The following OR8D1 variants were observed in gnomAD, a reference collection of about 807,000 sequenced individuals.
OR8D1 encodes the protein olfactory receptor 8D1.
For missense variants in OR8D1, 384 were observed against 366.8 expected, an observed-to-expected ratio of 1.05 and a Z score of -0.38; for synonymous variants, 143 against 147.0, an observed-to-expected ratio of 0.97 and a Z score of 0.20.
In OR8D1 at chr11:124,310,587, G is replaced by T. The variant is rs753911133; in HGVS notation, c.180C>A (p.Tyr60Ter). ...CGAAGGACAAGCTGCTGAGGAAATAGTACATGGGGGTGTGAAGTAGAGGGC... is the reference window on the plus strand; with the variant it reads ...CGAAGGACAAGCTGCTGAGGAAATATTACATGGGGGTGTGAAGTAGAGGGC... Reference protein sequence around the residue: ...AVSPLLHTPMYYFLSSLSFVD... With the variant: ...AVSPLLHTPM Residue 60 changes from tyrosine (Y) to a stop codon, truncating the protein, a stop_gained, in exon 3 of 3, where the codon TAC becomes TAA. Coordinates refer to ENST00000641015, the MANE Select transcript of OR8D1 (RefSeq NM_001002917.2). LOFTEE classifies it low-confidence loss of function (END_TRUNC). 3.7e-6 allele frequency: 6 copies of T among 1,613,940 alleles called. No individual in the cohort carries two copies. In the African/African-American group the frequency reaches 8.0e-5, roughly 22 times the overall value.
In OR8D1 at chr11:124,310,083, G is replaced by A. The variant is rs1862405626; in HGVS notation, c.684C>T (p.Ile228=). The A allele has an allele frequency of 6.2e-7, 1 of 1,613,636 alleles. No individual in the cohort carries two copies. The highest frequency in any genetic ancestry group is 8.5e-7 in the Non-Finnish European group (1 of 1,179,812). Residue 228 remains isoleucine (I), a synonymous_variant, in exon 3 of 3, where the codon ATC becomes ATT. Coordinates refer to ENST00000641015, the MANE Select transcript of OR8D1 (RefSeq NM_001002917.2). ...CTTTGGACCGGCCCTCTGAGGAGCG[G>A]ATGTGAAGGATGCTGTAGAGGATGA... ...YAFILYSILH[I]RSSEGRSKAF...
rs1368019234 is a variant in OR8D1, at chr11:124,308,906, A to G, written c.*934T>C. ...CAACATACAAAAGCTAAAAACAAAA[A>G]CAGAAGGAAATGTTACATGAGACCT... is the stretch of plus-strand genomic sequence containing the variant. On this transcript the variant is annotated 3_prime_UTR_variant, in exon 3 of 3. Transcript: ENST00000641015. The G allele has an allele frequency of 6.6e-6, 1 of 152,118 alleles. No individual in the cohort carries two copies. Among genetic ancestry groups the G allele is most frequent in the Non-Finnish European group, 1.5e-5 (1 of 68,024 alleles). The allele number at this position is 152,118 out of a possible 1,614,324, so 9.4% of individuals were successfully genotyped here. A position where few individuals can be genotyped will look rare whatever the true frequency, so the allele number is the denominator to read the frequency against.
At position 124,310,724 on chromosome 11, in the gene OR8D1, C is replaced by CT. The variant is rs776029177; in HGVS notation, c.42dup (p.Asp15ArgfsTer82). 4 of 1,613,162 alleles carry CT rather than the reference C, an allele frequency of 2.5e-6. No individual in the cohort carries two copies. In the South Asian group the frequency reaches 4.4e-5, roughly 18 times the overall value. ...AGCTCTGCTTGCTGTGTTAAACCAT[C>CT]TAAGACAAACTGAGCTGCCATAGAA... On this transcript the variant is annotated frameshift_variant, in exon 3 of 3. Transcript: ENST00000641015. LOFTEE classifies it low-confidence loss of function (END_TRUNC).
In OR8D1 at chr11:124,303,230, A is replaced by T. The variant is rs192226073; in HGVS notation, c.*6610T>A. Reference sequence around the variant, plus strand: ...GAGCAGGAAAAACTACCATTTATAAAACCATCAGATCTTGTGAGAATTCAC... The same window carrying T: ...GAGCAGGAAAAACTACCATTTATAATACCATCAGATCTTGTGAGAATTCAC... On this transcript the variant is annotated 3_prime_UTR_variant, in exon 3 of 3. Transcript: ENST00000641015. 6.6e-6 allele frequency: 1 copy of T among 152,006 alleles called. No individual in the cohort carries two copies. The highest frequency in any genetic ancestry group is 6.6e-5 in the Admixed American group (1 of 15,228). The allele number at this position is 152,006 out of a possible 1,614,324, so 9.4% of individuals were successfully genotyped here. A position where few individuals can be genotyped will look rare whatever the true frequency, so the allele number is the denominator to read the frequency against.
rs966757759 is a variant in OR8D1, at chr11:124,309,950, C to A, written c.817G>T (p.Val273Leu). 1 of 1,557,596 alleles carries A rather than the reference C, an allele frequency of 6.4e-7. No homozygotes were observed. Among genetic ancestry groups the A allele is most frequent in the East Asian group, 2.2e-5 (1 of 44,492 alleles). The change falls in exon 3 of 3, where the codon GTG becomes TTG. Residue 273 changes from valine to leucine, a missense_variant. Transcript: ENST00000641015. ...ACCGTGGTGTAGAACACAGAGGACA[C>A]CTTCTCCTGGTCCAGGGAGTTACTT... ...PSSNSLDQEK[V>L]SSVFYTTVIP...
At position 124,309,908 on chromosome 11, in the gene OR8D1, G is replaced by T. The variant is rs535945267; in HGVS notation, c.859C>A (p.Pro287Thr). 2 of 1,516,890 alleles carry T rather than the reference G, an allele frequency of 1.3e-6. No homozygotes were observed. Among genetic ancestry groups the T allele is most frequent in the African/African-American group, 2.8e-5 (2 of 71,654 alleles). The allele number at this position is 1,516,890 out of a possible 1,614,324, so 94.0% of individuals were successfully genotyped here. A position where few individuals can be genotyped will look rare whatever the true frequency, so the allele number is the denominator to read the frequency against. Residue 287 changes from proline to threonine, a missense_variant, in exon 3 of 3, where the codon CCT becomes ACT. Transcript: ENST00000641015. ...TTATTCCTCAGACTGTATATTAAAG[G>T]GTTCAGCATGGGGATCACCGTGGTG... The part of the protein sequence containing the change: ...FYTTVIPMLN[P>T]LIYSLRNKDV...
At position 124,310,585 on chromosome 11, in the gene OR8D1, T is replaced by C; in HGVS notation, c.182A>G (p.Tyr61Cys). 6.2e-7 allele frequency: 1 copy of C among 1,613,638 alleles called. No individual in the cohort carries two copies. The change falls in exon 3 of 3, where the codon TAT becomes TGT. Residue 61 changes from tyrosine to cysteine, a missense_variant. Physicochemically the swap from Tyr to Cys is radical, Grantham distance 194. Transcript: ENST00000641015. ...VSPLLHTPMY[Y>C]FLSSLSFVDF... ...GACGAAGGACAAGCTGCTGAGGAAA[T>C]AGTACATGGGGGTGTGAAGTAGAGG...
intron 1 of OR8D1, among the ~76,000 whole-genome samples, chr11:124,313,310 GAAAA>G (rs970127629): frequency 3.0e-5 from 4 of 133,230 alleles, no homozygotes; most frequent in South Asian, 2.2e-4. Flanking sequence ...AGGAAAGAAA[GAAAA>G]GAAAGAGAAA....
rs1862379288 is a variant in OR8D1, at chr11:124,307,639, G to A, written c.*2201C>T. The A allele has an allele frequency of 6.6e-6, 1 of 152,066 alleles. No individual in the cohort carries two copies. The highest frequency in any genetic ancestry group is 2.4e-5 in the African/African-American group (1 of 41,430). The allele number at this position is 152,066 out of a possible 1,614,324, so 9.4% of individuals were successfully genotyped here. A position where few individuals can be genotyped will look rare whatever the true frequency, so the allele number is the denominator to read the frequency against. ...TTAAGAATCAGAAAATATTGGTGCAGCTTAAAATTGAACACAAAGGGGAAG... is the reference window on the plus strand; with the variant it reads ...TTAAGAATCAGAAAATATTGGTGCAACTTAAAATTGAACACAAAGGGGAAG... On this transcript the variant is annotated 3_prime_UTR_variant, in exon 3 of 3. Coordinates refer to ENST00000641015, the MANE Select transcript of OR8D1 (RefSeq NM_001002917.2).
At chr11:124,313,697 T>C (rs1025180343) in intron 1 of OR8D1, 24 bp downstream of exon 1, 10 of 152,162 alleles carry the variant, frequency 6.6e-5, no homozygotes, top group African/African-American at 1.9e-4. Flanking sequence ...AATATGATGG[T>C]CATAAAGGAG....
rs1862341168 is a variant in OR8D1, at chr11:124,303,398, A to G, written c.*6442T>C. On this transcript the variant is annotated 3_prime_UTR_variant, in exon 3 of 3. Coordinates refer to ENST00000641015, the MANE Select transcript of OR8D1 (RefSeq NM_001002917.2). ...ACCATATGAGTCCTTGACATGTAGT[A>G]TAGTAAACGGTCGTATTTGGCTGAT... 6.6e-6 allele frequency: 1 copy of G among 152,060 alleles called. No individual in the cohort carries two copies. Among genetic ancestry groups the G allele is most frequent in the Non-Finnish European group, 1.5e-5 (1 of 67,984 alleles). 9.4% of individuals were successfully genotyped at this position (152,060 alleles called of 1,614,324 possible).
At position 124,306,939 on chromosome 11, in the gene OR8D1, G is replaced by A. The variant is rs1375840862; in HGVS notation, c.*2901C>T. The A allele has an allele frequency of 6.6e-6, 1 of 151,832 alleles. No individual in the cohort carries two copies. Among genetic ancestry groups the A allele is most frequent in the South Asian group, 2.1e-4 (1 of 4,804 alleles). The allele number at this position is 151,832 out of a possible 1,614,324, so 9.4% of individuals were successfully genotyped here. Reference sequence around the variant, plus strand: ...TGAAAAAGAAATGGTTCTCTTTTTTGTTGTTCTTTTTGAGAGTTAGCATAT... The same window carrying A: ...TGAAAAAGAAATGGTTCTCTTTTTTATTGTTCTTTTTGAGAGTTAGCATAT... On this transcript the variant is annotated 3_prime_UTR_variant, in exon 3 of 3. Transcript: ENST00000641015.
Position 124,308,217 on chromosome 11 carries a change from A to C in OR8D1, c.*1623T>G, listed in dbSNP as rs985940445. ...TAAGTTAATTAAACTGGAATAAGAGAGAGAAGAGGACAGGTTAGAAAACTA... is the reference window on the plus strand; with the variant it reads ...TAAGTTAATTAAACTGGAATAAGAGCGAGAAGAGGACAGGTTAGAAAACTA... On this transcript the variant is annotated 3_prime_UTR_variant, in exon 3 of 3. Transcript: ENST00000641015. The C allele has an allele frequency of 6.6e-6, 1 of 152,090 alleles. No homozygotes were observed. Among genetic ancestry groups the C allele is most frequent in the African/African-American group, 2.4e-5 (1 of 41,428 alleles). The allele number at this position is 152,090 out of a possible 1,614,324, so 9.4% of individuals were successfully genotyped here. A position where few individuals can be genotyped will look rare whatever the true frequency, so the allele number is the denominator to read the frequency against.
Position 124,310,681 on chromosome 11 carries a change from A to G in OR8D1, c.86T>C (p.Leu29Pro), listed in dbSNP as rs766106912. Residue 29 changes from leucine to proline, a missense_variant, in exon 3 of 3, where the codon CTC becomes CCC. Leu to Pro is a moderately conservative substitution (Grantham distance 98). Transcript: ENST00000641015. ...QQAELQLPLF[L>P]LFLGIYVVTV... is the part of the protein sequence containing the mutation. ...GACCACATAGATTCCCAGGAACAGG[A>G]GGAAGAGGGGCAGCTGGAGCTCTGC... is the stretch of plus-strand genomic sequence containing the variant. 6.2e-7 allele frequency: 1 copy of G among 1,613,860 alleles called. No homozygotes were observed. The highest frequency in any genetic ancestry group is 1.1e-5 in the South Asian group (1 of 91,068).
At position 124,303,978 on chromosome 11, in the gene OR8D1, A is replaced by G. The variant is rs1175492437; in HGVS notation, c.*5862T>C. The G allele has an allele frequency of 1.3e-5, 2 of 152,160 alleles. No individual in the cohort carries two copies. Among genetic ancestry groups the G allele is most frequent in the East Asian group, 3.9e-4 (2 of 5,178 alleles). The allele number at this position is 152,160 out of a possible 1,614,324, so 9.4% of individuals were successfully genotyped here. A position where few individuals can be genotyped will look rare whatever the true frequency, so the allele number is the denominator to read the frequency against. ...GAAAAAAATCAAAATAAAATTACAT[A>G]AAATTTAAATTTTAGTGTTTATAAA... On this transcript the variant is annotated 3_prime_UTR_variant, in exon 3 of 3. Transcript: ENST00000641015.
rs1410327672 is a variant in OR8D1, at chr11:124,310,635, G to A, written c.132C>T (p.Gly44=). Residue 44 remains glycine, a synonymous_variant, in exon 3 of 3, where the codon GGC becomes GGT. Coordinates refer to ENST00000641015, the MANE Select transcript of OR8D1 (RefSeq NM_001002917.2). ...IYVVTVVGNL[G]MILLIAVSPL... ...GGCTGACTGCAATCAGGAGAATCAT[G>A]CCCAGGTTGCCCACTACTGTGACCA... is the stretch of plus-strand genomic sequence containing the variant. 6.2e-7 allele frequency: 1 copy of A among 1,613,830 alleles called. No individual in the cohort carries two copies. The highest frequency in any genetic ancestry group is 8.5e-7 in the Non-Finnish European group (1 of 1,179,886).
rs1862384288 is a variant in OR8D1, at chr11:124,308,314, G to T, written c.*1526C>A. 3 of 152,134 alleles carry T rather than the reference G, an allele frequency of 2.0e-5. No homozygotes were observed. The highest frequency in any genetic ancestry group is 2.0e-4 in the Admixed American group (3 of 15,256). 9.4% of individuals were successfully genotyped at this position (152,134 alleles called of 1,614,324 possible). On this transcript the variant is annotated 3_prime_UTR_variant, in exon 3 of 3. Coordinates refer to ENST00000641015, the MANE Select transcript of OR8D1 (RefSeq NM_001002917.2). ...AAGTGTTAATTGCACTATTAAAGCT[G>T]CTGAAAAAGAGTAAGTACTATGTGT... is the stretch of plus-strand genomic sequence containing the variant.
chr11:124,310,489 A>T lies in OR8D1; in HGVS notation c.278T>A (p.Leu93His). 1 of 1,613,826 alleles carries T rather than the reference A, an allele frequency of 6.2e-7. No homozygotes were observed. The highest frequency in any genetic ancestry group is 1.1e-5 in the South Asian group (1 of 91,078). ...VNFLGKKNTI[L>H]YSECMVQLFF... ...GAGCTGGACCATGCACTCAGAGTAA[A>T]GGATTGTATTCTTCTTTCCTAGGAA... Residue 93 changes from leucine (L) to histidine (H), a missense_variant, in exon 3 of 3, where the codon CTT becomes CAT. By Grantham distance (99) the Leu-to-His change is moderately conservative (BLOSUM62 -3). Coordinates refer to ENST00000641015, the MANE Select transcript of OR8D1 (RefSeq NM_001002917.2).
Position 124,310,189 on chromosome 11 carries a change from T to C in OR8D1, c.578A>G (p.His193Arg). The C allele has an allele frequency of 1.2e-6, 2 of 1,613,446 alleles. No homozygotes were observed. The highest frequency in any genetic ancestry group is 1.7e-6 in the Non-Finnish European group (2 of 1,179,798). The change falls in exon 3 of 3, where the codon CAC becomes CGC. Residue 193 changes from histidine to arginine, a missense_variant. Physicochemically the swap from His to Arg is conservative, Grantham distance 29 (BLOSUM62 0). Coordinates refer to ENST00000641015, the MANE Select transcript of OR8D1 (RefSeq NM_001002917.2). The stretch of plus-strand genomic sequence containing the variant: ...GATAAAAAGTAGAAGCTCATTGAGG[T>C]GTGTGTTGGAGCAGGAGAGATTGAG... The part of the protein sequence containing the change: ...PLLNLSCSNT[H>R]LNELLLFIIA...
Sources: allele counts gnomAD v4.1 joint callset (sites outside exome capture counted in the v4.1 genomes callset), GRCh38; gene constraint gnomAD v4.1.1; transcripts MANE v1.5; gene names NCBI Gene and HGNC (gene_info 2026-07-23, HGNC 2026-07-21).